NBPF26: variants seen among roughly 807,000 people sequenced by gnomAD.
NBPF26 encodes the protein NBPF family member NBPF26.
In NBPF26, 79 loss-of-function variants were observed where a neutral mutation model predicts 119.6. The ratio of observed to expected loss-of-function variants is 0.66; its 90% confidence interval spans 0.55 to 0.80. The LOEUF (loss-of-function observed/expected upper bound fraction) is 0.80, where lower values mean the gene tolerates loss of function less well. Ranked by LOEUF, NBPF26 falls within the 30% of genes least tolerant of loss-of-function variation. The pLI, the probability that NBPF26 is intolerant of heterozygous loss-of-function variation, is 0.00. For synonymous variants in NBPF26, 299 were observed against 457.7 expected, an observed-to-expected ratio of 0.65 and a Z score of 4.43; for missense variants, 800 against 1,198.2, an observed-to-expected ratio of 0.67 and a Z score of 4.91.
At chr1:120,803,339 C>A (rs1448648041) in intron 4 of NBPF26, among the ~76,000 whole-genome samples, 1 of 133,636 alleles carries the variant, frequency 7.5e-6, no homozygotes, top group East Asian at 1.9e-4. Context: ...AGGCAAAAGT[C>A]TTAGTGAGAA....
At chr1:120,752,555 T>TATATATATATATATATA (rs1286857308) in intron 1 of NBPF26, among the ~76,000 whole-genome samples, 1 of 6,628 alleles carries the variant, frequency 1.5e-4, no homozygotes, top group Non-Finnish European at 2.3e-4. Context: ...TATATATATA[T>TATATATATATATATATA]TTTTTTTTTT....
At chr1:120,803,961 CAG>C (rs1651617802) in intron 4 of NBPF26, among the ~76,000 whole-genome samples, 1 of 51,422 alleles carries the variant, frequency 1.9e-5, no homozygotes, top group Non-Finnish European at 3.4e-5. Context: ...CATTCTGACA[CAG>C]AATGTCAGGT....
intron 4 of NBPF26, among the ~76,000 whole-genome samples, chr1:120,802,515 C>T (rs1651594263): frequency 8.0e-6 from 1 of 124,822 alleles, no homozygotes. Context: ...GGGACACATG[C>T]CTGAGGTAGT....
rs1372020767 is a variant in NBPF26, at chr1:120,793,352, G to T, written c.607G>T (p.Gly203Cys). 10 of 1,420,738 alleles carry T rather than the reference G, an allele frequency of 7.0e-6. 3 individuals are homozygous for T. Among genetic ancestry groups the T allele is most frequent in the Non-Finnish European group, 9.4e-6 (10 of 1,060,914 alleles). The allele number at this position is 1,420,738 out of a possible 1,614,324, so 88.0% of individuals were successfully genotyped here. The change falls in exon 4 of 30, where the codon GGT (glycine) becomes TGT (cysteine). Residue 203 changes from glycine (G) to cysteine (C), a missense_variant. By Grantham distance (159) the Gly-to-Cys change is radical (BLOSUM62 -3). Coordinates refer to ENST00000620612, the Ensembl canonical transcript of NBPF26. ...TGGTGGCACCTGCCTCAACCTGCCT[G>T]GTTCCTACCAGTGCCAGTGCCTTCA... is the stretch of plus-strand genomic sequence containing the variant.
In NBPF26 at chr1:120,750,499, G is replaced by A. The variant is rs1233090427; in HGVS notation, c.74-13129G>A. 1.0e-3 allele frequency among the ~76,000 whole-genome samples: 112 copies of A among 107,254 alleles called. 38 individuals are homozygous for A. Among genetic ancestry groups the A allele is most frequent in the African/African-American group, 6.2e-3 (102 of 16,542 alleles). 70.4% of individuals were successfully genotyped at this position (107,254 alleles called of 152,430 possible). ...GTTAATCCTAAATATATTCTGTGGAGTACTATCAGATGCCTTGCTTTTCTT... is the reference window on the plus strand; with the variant it reads ...GTTAATCCTAAATATATTCTGTGGAATACTATCAGATGCCTTGCTTTTCTT... On this transcript the variant is annotated intron_variant, in intron 1 of 29. Transcript: ENST00000620612.
rs1382908129 is a variant in NBPF26 at position 120,818,838 on chromosome 1, G to C, written c.2423+664G>C. Among the ~76,000 whole-genome samples the C allele has an allele frequency of 3.4e-5, 4 of 117,344 alleles. 1 individual carries two copies. Among genetic ancestry groups the C allele is most frequent in the Non-Finnish European group, 6.8e-5 (4 of 58,556 alleles). 77.0% of individuals were successfully genotyped at this position (117,344 alleles called of 152,430 possible). A position where few individuals can be genotyped will look rare whatever the true frequency, so the allele number is the denominator to read the frequency against. ...TGAGTTCTAATTTGATGGCACTGTG[G>C]TCTGACAGTTTGTTGTGATTTCCAT... On this transcript the variant is annotated intron_variant, in intron 15 of 29. Transcript: ENST00000620612.
In NBPF26 at chr1:120,764,264, AT is replaced by A. The variant is rs1238578226; in HGVS notation, c.155+556del. On this transcript the variant is annotated intron_variant, in intron 2 of 29. Transcript: ENST00000620612. ...TCCGTCTCAAAAAGAAATAAAAAAA[AT>A]ATATAAAAAAATATATATTAGATTC... Among the ~76,000 whole-genome samples the A allele has an allele frequency of 6.6e-3, 705 of 107,614 alleles. 17 individuals carry two copies. Among genetic ancestry groups the A allele is most frequent in the African/African-American group, 0.025 (426 of 16,884 alleles). 70.6% of individuals were successfully genotyped at this position (107,614 alleles called of 152,430 possible). A position where few individuals can be genotyped will look rare whatever the true frequency, so the allele number is the denominator to read the frequency against.
At position 120,806,992 on chromosome 1, in the gene NBPF26, T is replaced by C. The variant is rs1209129668; in HGVS notation, c.962-615T>C. Among the ~76,000 whole-genome samples, 4 of 129,130 alleles carry C rather than the reference T, an allele frequency of 3.1e-5. 1 individual carries two copies. The highest frequency in any genetic ancestry group is 2.0e-4 in the East Asian group (1 of 5,114). 84.7% of individuals were successfully genotyped at this position (129,130 alleles called of 152,430 possible). On this transcript the variant is annotated intron_variant, in intron 5 of 29. Coordinates refer to ENST00000620612, the Ensembl canonical transcript of NBPF26. ...ACACTAACTAAGCTTATGCTGTTTC[T>C]AAATTAACACAACTAATCTAAATCT...
At chr1:120,822,578 T>A (rs1186168311) in intron 16 of NBPF26, among the ~76,000 whole-genome samples, 6,025 of 113,076 alleles carry the variant, frequency 0.053, 1,131 homozygotes, top group African/African-American at 0.17. Context: ...AGGAGTTGTC[T>A]GTCAGCTCAG....
In NBPF26 at chr1:120,805,050, A is replaced by T. The variant is rs1158867421; in HGVS notation, c.752-506A>T. Among the ~76,000 whole-genome samples the T allele has an allele frequency of 1.6e-5, 2 of 121,404 alleles. 1 individual carries two copies. The highest frequency in any genetic ancestry group is 3.3e-5 in the Non-Finnish European group (2 of 60,730). 79.6% of individuals were successfully genotyped at this position (121,404 alleles called of 152,430 possible). On this transcript the variant is annotated intron_variant, in intron 4 of 29. Coordinates refer to ENST00000620612, the Ensembl canonical transcript of NBPF26. ...TTGGGAAACTGTTTCTGCCTTGATG[A>T]TGTTGTACAGACAAGAGATAAACAG...
Position 120,761,016 on chromosome 1 carries a change from G to T in NBPF26, c.74-2612G>T, listed in dbSNP as rs1651131872. ...GAACCATGGCTCAGTAAATGCTAAAGGTTCAAGGTAGCATGATCCCACACA... is the reference window on the plus strand; with the variant it reads ...GAACCATGGCTCAGTAAATGCTAAATGTTCAAGGTAGCATGATCCCACACA... On this transcript the variant is annotated intron_variant, in intron 1 of 29. Transcript: ENST00000620612. Among the ~76,000 whole-genome samples the T allele has an allele frequency of 1.6e-5, 2 of 125,584 alleles. 1 individual carries two copies. Among genetic ancestry groups the T allele is most frequent in the South Asian group, 4.8e-4 (2 of 4,138 alleles). 82.4% of individuals were successfully genotyped at this position (125,584 alleles called of 152,430 possible). A position where few individuals can be genotyped will look rare whatever the true frequency, so the allele number is the denominator to read the frequency against.
In NBPF26 at chr1:120,759,610, A is replaced by G. The variant is rs1352355728; in HGVS notation, c.74-4018A>G. Among the ~76,000 whole-genome samples, 4 of 103,340 alleles carry G rather than the reference A, an allele frequency of 3.9e-5. 1 individual carries two copies. Among genetic ancestry groups the G allele is most frequent in the Non-Finnish European group, 7.1e-5 (4 of 56,654 alleles). 67.8% of individuals were successfully genotyped at this position (103,340 alleles called of 152,430 possible). The stretch of plus-strand genomic sequence containing the variant: ...TCACTTTCATGGCTTCAGGTTATCA[A>G]AGTTTTAATTTCTCTTTGTGTGGAA... On this transcript the variant is annotated intron_variant, in intron 1 of 29. Transcript: ENST00000620612.
intron 15 of NBPF26, among the ~76,000 whole-genome samples, chr1:120,819,106 G>A (rs1384307629): frequency 8.0e-6 from 1 of 124,838 alleles, no homozygotes; most frequent in Non-Finnish European, 1.6e-5. Context: ...ATGATTTTGT[G>A]GAGTCTAAAT....
At chr1:120,840,389 C>G (rs1652488021) in exon 30 of NBPF26, 1 of 1,463,534 alleles carries the variant, frequency 6.8e-7, no homozygotes, top group East Asian at 2.3e-5. Flanking sequence ...AGCCTGAAGT[C>G]TTGCAGGACT....
intron 1 of NBPF26, among the ~76,000 whole-genome samples, chr1:120,760,950 A>G (rs1651131015): frequency 8.3e-6 from 1 of 120,104 alleles, no homozygotes; most frequent in Admixed American, 9.0e-5. Context: ...ACTCTTTTTT[A>G]AAAAGCCCTC....
chr1:120,777,928 C>G (rs1651316689), intron 2 of NBPF26, among the ~76,000 whole-genome samples: 1 of 93,672 alleles, frequency 1.1e-5, no homozygotes, highest in Admixed American at 1.1e-4. Flanking sequence ...GTGGGTTAGG[C>G]CTCCTGAATG....
Position 120,777,760 on chromosome 1 carries a change from T to G in NBPF26, c.156-7214T>G, listed in dbSNP as rs1651315096. 2.0e-5 allele frequency among the ~76,000 whole-genome samples: 2 copies of G among 98,908 alleles called. 1 individual carries two copies. Among genetic ancestry groups the G allele is most frequent in the Non-Finnish European group, 3.7e-5 (2 of 54,186 alleles). 64.9% of individuals were successfully genotyped at this position (98,908 alleles called of 152,430 possible). A position where few individuals can be genotyped will look rare whatever the true frequency, so the allele number is the denominator to read the frequency against. On this transcript the variant is annotated intron_variant, in intron 2 of 29. Transcript: ENST00000620612. The stretch of plus-strand genomic sequence containing the variant: ...TTTTTTCCCCTCTTTACCAGGAAGT[T>G]AACTAGAAGTCCTCATGCATGTTTT...
intron 1 of NBPF26, among the ~76,000 whole-genome samples, chr1:120,724,468 C>A (rs1337523632): frequency 8.2e-6 from 1 of 121,366 alleles, no homozygotes; most frequent in African/African-American, 4.5e-5. Flanking sequence ...CTGCTCCCCG[C>A]GGCCCGGGAC....
chr1:120,813,231 T>G (rs1349068382), intron 10 of NBPF26, among the ~76,000 whole-genome samples: 1 of 123,294 alleles, frequency 8.1e-6, no homozygotes, highest in Non-Finnish European at 1.6e-5. Context: ...CATGAGCTAT[T>G]TCTTGTCAAT....
Sources: gnomAD v4.1 joint callset for allele counts (sites outside exome capture counted in the v4.1 genomes callset) on GRCh38, gnomAD v4.1.1 for gene constraint, MANE v1.5 for transcripts, NCBI Gene and HGNC (gene_info 2026-07-23, HGNC 2026-07-21) for gene names.